The following OPCML variants were observed in gnomAD, a reference collection of about 807,000 sequenced individuals.
OPCML encodes opioid-binding protein/cell adhesion molecule.
OPCML carries 13 observed loss-of-function variants against 37.8 expected under a neutral mutation model. The observed-to-expected ratio is 0.34, with a 90% confidence interval of 0.22 to 0.55. The LOEUF (loss-of-function observed/expected upper bound fraction) is 0.55, where lower values mean the gene tolerates loss of function less well. Among genes scored for constraint, OPCML ranks in the 20% least tolerant of loss-of-function variants. The probability of loss-of-function intolerance (pLI) is 0.91; values close to 1 mark genes in which losing one functional copy is unlikely to be tolerated. For synonymous variants in OPCML, 176 were observed against 168.8 expected (o/e 1.04, Z -0.33); for missense variants, 341 against 435.6 (o/e 0.78, Z 1.93).
chr11:132,666,389 C>T (rs761281556), intron 2 of OPCML, among the ~76,000 whole-genome samples: 13 of 152,086 alleles, frequency 8.5e-5, no homozygotes, highest in Non-Finnish European at 1.6e-4. Context: ...GAAATCATTC[C>T]TCACTCATTA....
At chr11:133,423,539 C>G in intron 1 of OPCML, 3 of 951,702 alleles carry the variant, frequency 3.2e-6, no homozygotes, top group Non-Finnish European at 2.5e-6. Flanking sequence ...ACGAGAAGTC[C>G]TCAAAGGAAT....
intron 4 of OPCML, among the ~76,000 whole-genome samples, chr11:132,504,507 T>C (rs896599516): frequency 6.6e-6 from 1 of 152,222 alleles, no homozygotes; most frequent in South Asian, 2.1e-4. Flanking sequence ...GCAGTCATGA[T>C]ATCACTTGGT....
intron 1 of OPCML, chr11:133,419,280 T>C (rs1173218689): frequency 1.0e-6 from 1 of 985,292 alleles, no homozygotes; most frequent in African/African-American, 1.7e-5. Context: ...CATGTGGAAT[T>C]TGTGAAACCT....
intron 1 of OPCML, among the ~76,000 whole-genome samples, chr11:133,458,091 A>C (rs1332494583): frequency 6.6e-6 from 1 of 151,950 alleles, no homozygotes; most frequent in East Asian, 1.9e-4. Context: ...GGTTGCAGTG[A>C]GCCAAGATCG....
Position 133,425,349 on chromosome 11 carries a change from C to T in OPCML, c.61+106915G>A, listed in dbSNP as rs77093905. Among the ~76,000 whole-genome samples, 14 of 152,278 alleles carry T rather than the reference C, an allele frequency of 9.2e-5. No individual in the cohort carries two copies. The East Asian group carries it at 2.7e-3, about 29-fold the overall frequency. On this transcript the variant is annotated intron_variant, in intron 1 of 7. Coordinates refer to ENST00000524381, the MANE Select transcript of OPCML (RefSeq NM_001012393.5). ...AGCAATACACTTGGCTTTGCTTGAC[C>T]CACAAGCTATTTTGTGGTCTCCTTG...
At chr11:133,371,805 A>G (rs1020894882) in intron 1 of OPCML, among the ~76,000 whole-genome samples, 2 of 152,226 alleles carry the variant, frequency 1.3e-5, no homozygotes, top group African/African-American at 4.8e-5. Flanking sequence ...CTAATTACAG[A>G]AGTAATTCTA....
intron 1 of OPCML, among the ~76,000 whole-genome samples, chr11:133,116,805 C>CATACATATATATATATATAT (rs1280351007): frequency 0.014 from 1,999 of 144,038 alleles, 49 homozygotes; most frequent in Non-Finnish European, 0.02. Flanking sequence ...TAAAACTATA[C>CATACATATATATATATATAT]ATATATATAT....
chr11:133,121,070 G>A (rs114817398), intron 1 of OPCML, among the ~76,000 whole-genome samples: 2,281 of 152,154 alleles, frequency 0.015, 56 homozygotes, highest in African/African-American at 0.051. Context: ...CTACAGGTGC[G>A]TGTCACCATG....
intron 3 of OPCML, among the ~76,000 whole-genome samples, chr11:132,634,194 C>A (rs1008098): frequency 0.24 from 37,087 of 152,070 alleles, 5,105 homozygotes; most frequent in African/African-American, 0.36. Flanking sequence ...AGCCTGGCTT[C>A]CAGGGTGTCT....
intron 3 of OPCML, among the ~76,000 whole-genome samples, chr11:132,629,143 T>A (rs1221355934): frequency 6.6e-6 from 1 of 152,124 alleles, no homozygotes; most frequent in Non-Finnish European, 1.5e-5. Flanking sequence ...TCACTTCTTC[T>A]GCTTCCCAGC....
At chr11:133,251,069 G>C (rs991511817) in intron 1 of OPCML, among the ~76,000 whole-genome samples, 5 of 152,102 alleles carry the variant, frequency 3.3e-5, no homozygotes, top group African/African-American at 1.2e-4. Flanking sequence ...AGGACCCGTG[G>C]TCACTCTTAG....
intron 2 of OPCML, among the ~76,000 whole-genome samples, chr11:132,884,829 A>C (rs774386053): frequency 5.2e-4 from 79 of 152,266 alleles, no homozygotes; most frequent in Non-Finnish European, 7.3e-4. Flanking sequence ...GCTATTTCAC[A>C]GAACTGAAAA....
intron 1 of OPCML, among the ~76,000 whole-genome samples, chr11:133,064,220 G>T (rs536707128): frequency 6.6e-6 from 1 of 152,178 alleles, no homozygotes; most frequent in Non-Finnish European, 1.5e-5. Flanking sequence ...GCCGACCCCA[G>T]CGCAACCCAG....
intron 2 of OPCML, among the ~76,000 whole-genome samples, chr11:132,857,649 G>GCCTTATAT (rs1159944646): frequency 1.3e-5 from 2 of 152,116 alleles, no homozygotes; most frequent in Admixed American, 1.3e-4. Flanking sequence ...TGCGTTCTAA[G>GCCTTATAT]AAACATGCAA....
intron 1 of OPCML, among the ~76,000 whole-genome samples, chr11:133,140,727 C>CGAAGACGGAAGACGGAA (rs1555102338): frequency 2.8e-5 from 3 of 108,172 alleles, no homozygotes; most frequent in South Asian, 3.8e-4. Flanking sequence ...AGACGGAAGA[C>CGAAGACGGAAGACGGAA]GACGACGACG....
chr11:132,991,583 C>T (rs12363746), intron 1 of OPCML, among the ~76,000 whole-genome samples: 22,362 of 152,150 alleles, frequency 0.15, 1,923 homozygotes, highest in Non-Finnish European at 0.19. Context: ...CCTATTTTTG[C>T]TTAATTTAAT....
At chr11:133,137,560 A>C (rs78601350) in intron 1 of OPCML, among the ~76,000 whole-genome samples, 1 of 152,158 alleles carries the variant, frequency 6.6e-6, no homozygotes, top group African/African-American at 2.4e-5. Flanking sequence ...CATGCTGGCC[A>C]TATTGCTTCT....
intron 2 of OPCML, among the ~76,000 whole-genome samples, chr11:132,842,680 C>T (rs1031621794): frequency 6.6e-6 from 1 of 152,214 alleles, no homozygotes; most frequent in African/African-American, 2.4e-5. Flanking sequence ...AAAGATTTCT[C>T]TCACCATACC....
rs187499172 is a variant in OPCML, at chr11:132,956,459, A to G, written c.62-13449T>C. ...GTGCCCCGCCTTTATTCACAGACACACTCTCAGGGTCTCTCATATGCTCTT... is the reference window on the plus strand; with the variant it reads ...GTGCCCCGCCTTTATTCACAGACACGCTCTCAGGGTCTCTCATATGCTCTT... On this transcript the variant is annotated intron_variant, in intron 1 of 7. Coordinates refer to ENST00000524381, the MANE Select transcript of OPCML (RefSeq NM_001012393.5). 7.9e-3 allele frequency among the ~76,000 whole-genome samples: 1,207 copies of G among 152,196 alleles called. 10 individuals are homozygous for G. Among genetic ancestry groups the G allele is most frequent in the Non-Finnish European group, 0.012 (812 of 68,016 alleles).
Sources: gnomAD v4.1 joint callset for allele counts (sites outside exome capture counted in the v4.1 genomes callset) on GRCh38, gnomAD v4.1.1 for gene constraint, MANE v1.5 for transcripts, NCBI Gene and HGNC (gene_info 2026-07-23, HGNC 2026-07-21) for gene names.